The following HTR4 variants were observed in gnomAD, a reference collection of about 807,000 sequenced individuals.
HTR4 encodes 5-hydroxytryptamine (serotonin) receptor 4, G protein-coupled.
A neutral mutation model predicts 36.8 loss-of-function variants in HTR4; 16 were observed. The observed-to-expected ratio is 0.43, with a 90% CI of 0.29 to 0.66. The LOEUF (loss-of-function observed/expected upper bound fraction) is 0.66, where lower values mean the gene tolerates loss of function less well. HTR4 is among the 30% of genes least tolerant of loss of function. HTR4 has a pLI of 0.13. For missense variants in HTR4, 438 were observed against 490.9 expected (o/e 0.89, Z 1.02); for synonymous variants, 189 against 185.1 (o/e 1.02, Z -0.17).
At chr5:148,521,661 C>A (rs1487627031) in intron 5 of HTR4, among the ~76,000 whole-genome samples, 6 of 151,890 alleles carry the variant, frequency 4.0e-5, no homozygotes, top group African/African-American at 1.5e-4. Flanking sequence ...ACACACACAC[C>A]CATTAGTTAT....
rs568083851 is a variant in HTR4 at position 148,638,989 on chromosome 5, G to C, written c.-47-1928C>G. Among the ~76,000 whole-genome samples the C allele has an allele frequency of 9.9e-4, 150 of 152,172 alleles. 1 individual carries two copies. The highest frequency in any genetic ancestry group is 3.5e-3 in the African/African-American group (147 of 41,514). ...CTGAGCCCAGGAGGTTGAGGCTGCT[G>C]TGAGCCAAGATCACGCTACTGTACT... On this transcript the variant is annotated intron_variant, in intron 1 of 6. Coordinates refer to ENST00000377888, the MANE Select transcript of HTR4 (RefSeq NM_000870.7).
At chr5:148,651,388 A>G (rs768441367) in intron 1 of HTR4, among the ~76,000 whole-genome samples, 1 of 152,088 alleles carries the variant, frequency 6.6e-6, no homozygotes, top group Non-Finnish European at 1.5e-5. Flanking sequence ...TTATTTAAAA[A>G]CTTTGTTGTC....
At chr5:148,627,352 C>G (rs544401736) in intron 2 of HTR4, among the ~76,000 whole-genome samples, 1 of 152,084 alleles carries the variant, frequency 6.6e-6, no homozygotes, top group Non-Finnish European at 1.5e-5. Context: ...ATTTTTTTAA[C>G]ATTTAAAAAA....
At chr5:148,650,475 T>C (rs1223249166) in intron 1 of HTR4, among the ~76,000 whole-genome samples, 1 of 152,220 alleles carries the variant, frequency 6.6e-6, no homozygotes, top group Non-Finnish European at 1.5e-5. Context: ...TGTGCAAATC[T>C]GTACTACTTT....
chr5:148,501,084 T>C (rs760536856), intron 6 of HTR4, among the ~76,000 whole-genome samples: 19 of 152,222 alleles, frequency 1.2e-4, no homozygotes, highest in Non-Finnish European at 2.5e-4. Flanking sequence ...TGACAAATAA[T>C]TGGAAATACT....
chr5:148,555,230 C>T (rs907520338), intron 2 of HTR4, among the ~76,000 whole-genome samples: 2 of 152,044 alleles, frequency 1.3e-5, no homozygotes, highest in Admixed American at 6.6e-5. Flanking sequence ...TCAACACCAC[C>T]ACCACCATAA....
chr5:148,456,538 T>C (rs1484549953), intron 5 of HTR4, among the ~76,000 whole-genome samples: 1 of 152,204 alleles, frequency 6.6e-6, no homozygotes, highest in Non-Finnish European at 1.5e-5. Flanking sequence ...CTACTAGTTA[T>C]GAGGCATGGT....
intron 6 of HTR4, among the ~76,000 whole-genome samples, chr5:148,496,451 T>C (rs546102850): frequency 5.3e-4 from 80 of 152,162 alleles, no homozygotes; most frequent in Non-Finnish European, 1.0e-3. Flanking sequence ...CAATAATATA[T>C]ACACAGAGAG....
At chr5:148,465,734 C>T (rs1481842875) in intron 5 of HTR4, 1 of 1,354,282 alleles carries the variant, frequency 7.4e-7, no homozygotes, top group Middle Eastern at 1.9e-4. Context: ...AACAATTGTG[C>T]ACCCTTAACT....
At chr5:148,470,625 CAA>C in intron 5 of HTR4, among the ~76,000 whole-genome samples, 1 of 152,230 alleles carries the variant, frequency 6.6e-6, no homozygotes, top group East Asian at 1.9e-4. Context: ...AAGGATCACA[CAA>C]AAAAACACAC....
intron 2 of HTR4, among the ~76,000 whole-genome samples, chr5:148,596,484 T>C (rs912141892): frequency 1.3e-5 from 2 of 152,172 alleles, no homozygotes; most frequent in Non-Finnish European, 2.9e-5. Context: ...CCATTCCCGT[T>C]GTCTCTAGCT....
At position 148,481,830 on chromosome 5, in the gene HTR4, T is replaced by A; in HGVS notation, c.*1373A>T. The stretch of plus-strand genomic sequence containing the variant: ...CAAGAGCCACTGACTCAGCTTTGAA[T>A]AAAAGACATCCAGATTAATCTGAAG... On this transcript the variant is annotated 3_prime_UTR_variant, in exon 7 of 7. Coordinates refer to ENST00000377888, the MANE Select transcript of HTR4 (RefSeq NM_000870.7). The A allele has an allele frequency of 7.5e-7, 1 of 1,332,364 alleles. No homozygotes were observed. Among genetic ancestry groups the A allele is most frequent in the South Asian group, 2.3e-5 (1 of 44,318 alleles). The allele number at this position is 1,332,364 out of a possible 1,614,324, so 82.5% of individuals were successfully genotyped here.
chr5:148,477,336 A>G (rs1025198279), downstream of HTR4, among the ~76,000 whole-genome samples: 2 of 152,192 alleles, frequency 1.3e-5, no homozygotes, highest in African/African-American at 4.8e-5. Flanking sequence ...CTAAATTGAA[A>G]TCAATGAAGA....
intron 5 of HTR4, among the ~76,000 whole-genome samples, chr5:148,460,831 C>T (rs571720888): frequency 2.2e-4 from 33 of 152,126 alleles, no homozygotes; most frequent in South Asian, 4.2e-4. Flanking sequence ...ATTATGCATG[C>T]TTTTATGCTC....
chr5:148,615,120 G>A (rs1213582267), intron 2 of HTR4, among the ~76,000 whole-genome samples: 5 of 151,162 alleles, frequency 3.3e-5, no homozygotes, highest in African/African-American at 1.2e-4. Context: ...AAGTCAGTGT[G>A]GCGATTCCTC....
At position 148,524,560 on chromosome 5, in the gene HTR4, G is replaced by A. The variant is rs549232961; in HGVS notation, c.354-1214C>T. ...GGCCTCTAACTTCTAGACCGTTCCT[G>A]CATGTTACTCTGGCCTTGGAGATCA... On this transcript the variant is annotated intron_variant, in intron 4 of 6. Coordinates refer to ENST00000377888, the MANE Select transcript of HTR4 (RefSeq NM_000870.7). Among the ~76,000 whole-genome samples, 8 of 152,262 alleles carry A rather than the reference G, an allele frequency of 5.3e-5. No homozygotes were observed. The East Asian group carries it at 1.5e-3, about 29-fold the overall frequency.
At chr5:148,650,606 A>C (rs1754006706) in intron 1 of HTR4, among the ~76,000 whole-genome samples, 1 of 152,168 alleles carries the variant, frequency 6.6e-6, no homozygotes, top group South Asian at 2.1e-4. Flanking sequence ...TTTTGACAAG[A>C]GAAGAAATTT....
intron 2 of HTR4, among the ~76,000 whole-genome samples, chr5:148,576,880 T>C (rs1760943179): frequency 6.6e-6 from 1 of 151,982 alleles, no homozygotes; most frequent in South Asian, 2.1e-4. Flanking sequence ...GAAGACAAGC[T>C]AGGCAATACC....
At chr5:148,528,259 T>C (rs1171161556) in intron 4 of HTR4, among the ~76,000 whole-genome samples, 1 of 152,236 alleles carries the variant, frequency 6.6e-6, no homozygotes, top group Non-Finnish European at 1.5e-5. Flanking sequence ...TTTTGACCTC[T>C]GCAGCTTCTT....
Sources: allele counts gnomAD v4.1 joint callset (sites outside exome capture counted in the v4.1 genomes callset), GRCh38; gene constraint gnomAD v4.1.1; transcripts MANE v1.5; gene names NCBI Gene and HGNC (gene_info 2026-07-23, HGNC 2026-07-21).